Variants in CHMP5 observed in about 807,000 individuals in gnomAD.
The protein encoded by CHMP5 is SNF7 domain containing 2.
Under a neutral mutation model 33.0 loss-of-function variants are expected in CHMP5, and 17 were observed. The ratio of observed to expected loss-of-function variants is 0.52; its 90% CI spans 0.35 to 0.77. The LOEUF (loss-of-function observed/expected upper bound fraction) is 0.77. Ranked by LOEUF, CHMP5 falls within the 30% of genes least tolerant of loss-of-function variation. The pLI is 0.01. For synonymous variants in CHMP5, 76 were observed against 90.2 expected (o/e 0.84, Z 0.89); for missense variants, 216 against 261.5 (o/e 0.83, Z 1.20).
chr9:33,277,385 G>A (rs986609690), intron 6 of CHMP5, among the ~76,000 whole-genome samples: 2 of 152,098 alleles, frequency 1.3e-5, no homozygotes, highest in Non-Finnish European at 2.9e-5. Flanking sequence ...ACAGACTATA[G>A]GGAAGAAGTA....
chr9:33,268,275 G>A (rs1820752897), intron 3 of CHMP5, among the ~76,000 whole-genome samples: 1 of 152,134 alleles, frequency 6.6e-6, no homozygotes, highest in Admixed American at 6.5e-5. Flanking sequence ...AGATCTGTAG[G>A]GTTTGGTTTT....
At chr9:33,265,936 C>T (rs977994274) in intron 1 of CHMP5, 74 bp from the exon 2 acceptor site, 27 of 936,766 alleles carry the variant, frequency 2.9e-5, no homozygotes, top group Non-Finnish European at 4.1e-5. Context: ...CTCTGTATTC[C>T]TTCCTCTCTA....
intron 6 of CHMP5, among the ~76,000 whole-genome samples, 164 bp downstream of exon 6, chr9:33,276,728 T>C (rs750560583): frequency 1.3e-5 from 2 of 152,230 alleles, no homozygotes; most frequent in African/African-American, 2.4e-5. Context: ...CCACATCAGA[T>C]TGCATACTCC....
intron 5 of CHMP5, among the ~76,000 whole-genome samples, chr9:33,274,905 C>T (rs540097369): frequency 3.3e-5 from 5 of 152,202 alleles, no homozygotes; most frequent in East Asian, 3.9e-4. Flanking sequence ...CATGAGCCAC[C>T]GCGCCTGGCC....
chr9:33,270,665 C>T lies in CHMP5; in HGVS notation c.264C>T (p.Asn88=). The T allele has an allele frequency of 1.9e-6, 3 of 1,614,178 alleles. No homozygotes were observed. In the South Asian group the frequency reaches 3.3e-5, roughly 18 times the overall value. Residue 88 remains asparagine (N), a synonymous_variant, in exon 4 of 8, where the codon AAC becomes AAT. Transcript: ENST00000223500. ...ACAATCTTGCCCAACAGTCATTCAA[C>T]ATGGAACAAGCCAATTATACCATCC... ...QRDNLAQQSF[N]MEQANYTIQS...
chr9:33,276,209 G>C (rs1820852330), intron 5 of CHMP5, among the ~76,000 whole-genome samples: 1 of 152,168 alleles, frequency 6.6e-6, no homozygotes, highest in Non-Finnish European at 1.5e-5. Flanking sequence ...GATGTTTTAA[G>C]AGTTACTTGA....
chr9:33,275,627 T>G (rs914093260), intron 5 of CHMP5, among the ~76,000 whole-genome samples: 1 of 152,230 alleles, frequency 6.6e-6, no homozygotes, highest in Admixed American at 6.5e-5. Context: ...ATTGCTTGAT[T>G]TAATGTTTCA....
intron 2 of CHMP5, 142 bp from the exon 3 acceptor site, chr9:33,267,711 G>A (rs1820743562): frequency 1.6e-6 from 1 of 616,838 alleles, no homozygotes; most frequent in Non-Finnish European, 2.9e-6. Context: ...TTTGGGAGGG[G>A]AAGTACAGAA....
intron 5 of CHMP5, among the ~76,000 whole-genome samples, chr9:33,275,731 C>T (rs913285531): frequency 2.6e-5 from 4 of 152,252 alleles, no homozygotes; most frequent in South Asian, 2.1e-4. Flanking sequence ...CAAATCCAGC[C>T]GGGCACAGTA....
At chr9:33,276,388 G>T in intron 5 of CHMP5, 68 bp from the exon 6 acceptor site, 2 of 823,278 alleles carry the variant, frequency 2.4e-6, no homozygotes, top group Non-Finnish European at 4.1e-6. Context: ...AAAGGAGAAT[G>T]TAGGGGAAAA....
At chr9:33,273,111 A>G (rs1451078438) in intron 5 of CHMP5, among the ~76,000 whole-genome samples, 5 of 152,072 alleles carry the variant, frequency 3.3e-5, no homozygotes, top group African/African-American at 9.7e-5. Flanking sequence ...CTGGGATTAC[A>G]GGTGCCTGCC....
chr9:33,267,872 C>A lies in CHMP5; in HGVS notation c.194C>A (p.Ala65Asp). The A allele has an allele frequency of 1.9e-6, 3 of 1,611,434 alleles. No homozygotes were observed. Among genetic ancestry groups the A allele is most frequent in the Non-Finnish European group, 2.5e-6 (3 of 1,177,794 alleles). ...GPAKNMVKQK[A>D]LRVLKQKRMY... is the part of the protein sequence containing the mutation. Reference sequence around the variant, plus strand: ...CTCCAGAATATGGTCAAGCAGAAAGCCTTGCGAGTTTTAAAGCAAAAGAGG... The same window carrying A: ...CTCCAGAATATGGTCAAGCAGAAAGACTTGCGAGTTTTAAAGCAAAAGAGG... Residue 65 changes from alanine (A) to aspartate (D), a missense_variant, in exon 3 of 8, where the codon GCC (alanine) becomes GAC (aspartate). Ala to Asp is a moderately radical substitution (Grantham distance 126). Coordinates refer to ENST00000223500, the MANE Select transcript of CHMP5 (RefSeq NM_016410.6).
chr9:33,267,973 T>G, intron 3 of CHMP5, 74 bp downstream of exon 3: 1 of 1,004,360 alleles, frequency 1.0e-6, no homozygotes, highest in Non-Finnish European at 1.6e-6. Context: ...CCTTCAGGTT[T>G]TCATACTATT....
intron 5 of CHMP5, among the ~76,000 whole-genome samples, chr9:33,273,767 A>C (rs979545580): frequency 4.6e-5 from 7 of 151,376 alleles, no homozygotes; most frequent in African/African-American, 1.7e-4. Context: ...ATAGAGAACC[A>C]GTTAATGGTT....
At chr9:33,277,506 G>T (rs569927852) in intron 6 of CHMP5, among the ~76,000 whole-genome samples, 2 of 152,276 alleles carry the variant, frequency 1.3e-5, no homozygotes, top group East Asian at 1.9e-4. Flanking sequence ...GAGAAGGGTT[G>T]TCGAATGGCC....
chr9:33,276,349 C>G, intron 5 of CHMP5, 107 bp from the exon 6 acceptor site: 2 of 624,726 alleles, frequency 3.2e-6, no homozygotes, highest in Non-Finnish European at 5.7e-6. Context: ...TATACATTAT[C>G]TTTTTAAAAA....
At chr9:33,276,822 C>T (rs1024349862) in intron 6 of CHMP5, among the ~76,000 whole-genome samples, 6 of 152,180 alleles carry the variant, frequency 3.9e-5, no homozygotes, top group African/African-American at 9.7e-5. Context: ...GTGTCCTCCA[C>T]GTGGCCTTTC....
chr9:33,280,347 T>C (rs1050085860), intron 7 of CHMP5, among the ~76,000 whole-genome samples: 2 of 152,200 alleles, frequency 1.3e-5, no homozygotes, highest in Admixed American at 6.5e-5. Context: ...GGTGTTTTCA[T>C]TGATAGTGAT....
At chr9:33,275,967 C>T (rs910776170) in intron 5 of CHMP5, among the ~76,000 whole-genome samples, 4 of 152,166 alleles carry the variant, frequency 2.6e-5, no homozygotes, top group African/African-American at 9.7e-5. Flanking sequence ...TGAGATTGCA[C>T]CATTGCACTC....
Sources: gnomAD v4.1 joint callset for allele counts (sites outside exome capture counted in the v4.1 genomes callset) on GRCh38, gnomAD v4.1.1 for gene constraint, MANE v1.5 for transcripts, NCBI Gene and HGNC (gene_info 2026-07-23, HGNC 2026-07-21) for gene names.